FAM163A: variants seen among roughly 807,000 people sequenced by gnomAD.
FAM163A encodes family with sequence similarity 163 member A.
In FAM163A, 7 loss-of-function variants were observed where a neutral mutation model predicts 12.0. The observed-to-expected ratio is 0.58, with a 90% CI of 0.33 to 1.10. The LOEUF is 1.10. Ranked by LOEUF, FAM163A falls within the 50% of genes least tolerant of loss-of-function variation. The pLI is 0.03. For missense variants in FAM163A, 202 were observed against 218.6 expected (o/e 0.92, Z 0.48); for synonymous variants, 101 against 91.0 (o/e 1.11, Z -0.62).
chr1:179,813,144 T>C lies in FAM163A; in HGVS notation c.47T>C (p.Val16Ala), dbSNP rs1392039503. 13 of 1,551,904 alleles carry C rather than the reference T, an allele frequency of 8.4e-6. No homozygotes were observed. The highest frequency in any genetic ancestry group is 1.1e-5 in the Non-Finnish European group (13 of 1,147,058). The change falls in exon 4 of 5, where the codon GTG becomes GCG. Residue 16 changes from valine to alanine, a missense_variant. Physicochemically the swap from Val to Ala is moderately conservative, Grantham distance 64 (BLOSUM62 0). Coordinates refer to ENST00000341785, the MANE Select transcript of FAM163A (RefSeq NM_173509.3). ...VVITGGILAT[V>A]ILLCIIAVLC... ...ATCACTGGCGGAATCCTAGCTACGG[T>C]GATCCTCCTCTGCATCATTGCCGTC...
At chr1:179,783,990 G>A (rs1286975070) in intron 1 of FAM163A, among the ~76,000 whole-genome samples, 1 of 151,856 alleles carries the variant, frequency 6.6e-6, no homozygotes, top group African/African-American at 2.4e-5. Context: ...CTGGCCAGGG[G>A]CACATTTGGA....
At chr1:179,771,204 G>A (rs1206107015) in intron 1 of FAM163A, among the ~76,000 whole-genome samples, 1 of 152,126 alleles carries the variant, frequency 6.6e-6, no homozygotes, top group Non-Finnish European at 1.5e-5. Flanking sequence ...GCCGTCCACA[G>A]CTTCAGCCCC....
upstream of FAM163A, chr1:179,742,162 G>A (rs563561370): frequency 3.3e-5 from 5 of 152,300 alleles, no homozygotes; most frequent in South Asian, 1.0e-3. Context: ...TGATGAGGTG[G>A]TGGCTTGCCT....
upstream of FAM163A, chr1:179,743,167 T>G (rs923320987): frequency 7.9e-5 from 12 of 152,382 alleles, no homozygotes; most frequent in African/African-American, 2.9e-4. Flanking sequence ...TTGGCCCGCG[T>G]GCATCAGCCT....
At chr1:179,774,660 C>T (rs1377912674) in intron 1 of FAM163A, among the ~76,000 whole-genome samples, 1 of 152,112 alleles carries the variant, frequency 6.6e-6, no homozygotes, top group Non-Finnish European at 1.5e-5. Context: ...GAGCTTTGAC[C>T]GGTGGGCTGA....
intron 1 of FAM163A, among the ~76,000 whole-genome samples, chr1:179,792,560 A>T (rs1691673657): frequency 6.6e-6 from 1 of 152,106 alleles, no homozygotes; most frequent in Non-Finnish European, 1.5e-5. Flanking sequence ...ACTTGTTCTC[A>T]TGGCAGAAAG....
chr1:179,734,326 T>C, the FAM163A span, among the ~76,000 whole-genome samples: 2 of 152,238 alleles, frequency 1.3e-5, no homozygotes, highest in Non-Finnish European at 2.9e-5. Flanking sequence ...AATCATTGAC[T>C]AAACAGTACT....
At chr1:179,749,904 C>T (rs1018347194) in intron 1 of FAM163A, among the ~76,000 whole-genome samples, 1 of 152,088 alleles carries the variant, frequency 6.6e-6, no homozygotes, top group African/African-American at 2.4e-5. Flanking sequence ...TGAGTTAAAT[C>T]GAAGAGCACA....
upstream of FAM163A, among the ~76,000 whole-genome samples, chr1:179,741,197 T>C (rs1238624682): frequency 1.3e-5 from 2 of 152,214 alleles, no homozygotes; most frequent in Non-Finnish European, 2.9e-5. Context: ...CCCAATTTCA[T>C]TGGTAATTAG....
chr1:179,791,925 G>A (rs181566265), intron 1 of FAM163A, among the ~76,000 whole-genome samples: 5 of 152,160 alleles, frequency 3.3e-5, no homozygotes, highest in Admixed American at 6.5e-5. Context: ...TGCTAGCAGC[G>A]GTCCTTTATT....
intron 1 of FAM163A, among the ~76,000 whole-genome samples, chr1:179,744,256 C>G (rs1460984248): frequency 6.6e-6 from 1 of 152,122 alleles, no homozygotes; most frequent in Admixed American, 6.5e-5. Flanking sequence ...CGACCGCACT[C>G]CGATTCCAGA....
chr1:179,728,363 G>A, the FAM163A span, among the ~76,000 whole-genome samples: 1 of 152,178 alleles, frequency 6.6e-6, no homozygotes, highest in African/African-American at 2.4e-5. Context: ...AGGGTTTTGT[G>A]TTTTAAGTGG....
chr1:179,759,004 C>G (rs1477486145), intron 1 of FAM163A, among the ~76,000 whole-genome samples: 2 of 152,234 alleles, frequency 1.3e-5, no homozygotes, highest in Non-Finnish European at 2.9e-5. Flanking sequence ...ATATTAAGCA[C>G]TTACTGTGTC....
At chr1:179,774,279 C>G (rs1480666978) in intron 1 of FAM163A, among the ~76,000 whole-genome samples, 1 of 152,226 alleles carries the variant, frequency 6.6e-6, no homozygotes, top group African/African-American at 2.4e-5. Context: ...AGGGCAGGTG[C>G]TACCAGCTGA....
At chr1:179,736,850 A>G in the FAM163A span, among the ~76,000 whole-genome samples, 19 of 152,120 alleles carry the variant, frequency 1.2e-4, no homozygotes, top group African/African-American at 4.6e-4. Context: ...AAAGGTAACA[A>G]GTATTGGCAT....
intron 1 of FAM163A, among the ~76,000 whole-genome samples, chr1:179,791,565 G>A (rs888289310): frequency 5.3e-5 from 8 of 152,234 alleles, no homozygotes; most frequent in Non-Finnish European, 1.0e-4. Flanking sequence ...GGAATAGGCT[G>A]CAGGCTGGCA....
At chr1:179,793,173 C>G (rs1691772487) in intron 1 of FAM163A, among the ~76,000 whole-genome samples, 1 of 152,134 alleles carries the variant, frequency 6.6e-6, no homozygotes, top group Non-Finnish European at 1.5e-5. Flanking sequence ...GGCTCAACAT[C>G]CCCAGTTTCT....
chr1:179,775,419 G>T (rs146221838), intron 1 of FAM163A, among the ~76,000 whole-genome samples: 73 of 152,354 alleles, frequency 4.8e-4, no homozygotes, highest in African/African-American at 1.7e-3. Context: ...TTTGCAAAGG[G>T]AGTAGCCTCT....
the FAM163A span, among the ~76,000 whole-genome samples, chr1:179,727,795 C>T: frequency 6.6e-6 from 1 of 152,192 alleles, no homozygotes; most frequent in Non-Finnish European, 1.5e-5. Flanking sequence ...CTTGAACTAA[C>T]TGTGTGGTGT....
Sources: allele counts gnomAD v4.1 joint callset (sites outside exome capture counted in the v4.1 genomes callset), GRCh38; gene constraint gnomAD v4.1.1; transcripts MANE v1.5; gene names NCBI Gene and HGNC (gene_info 2026-07-23, HGNC 2026-07-21).